CCDC188: variants seen among roughly 807,000 people sequenced by gnomAD.
CCDC188 encodes coiled-coil domain containing 188, also known as coiled-coil domain-containing protein 188.
Under a neutral mutation model 50.7 loss-of-function variants are expected in CCDC188, and 37 were observed. The observed-to-expected ratio is 0.73, with a 90% CI of 0.56 to 0.96. CCDC188 has a LOEUF of 0.96. CCDC188 is among the 40% of genes least tolerant of loss of function. CCDC188 has a pLI of 0.00. For synonymous variants in CCDC188, 208 were observed against 228.0 expected (o/e 0.91, Z 0.79); for missense variants, 453 against 512.9 (o/e 0.88, Z 1.13).
In CCDC188 at chr22:20,150,004, A is replaced by G; in HGVS notation, c.683T>C (p.Leu228Pro). 6.5e-7 allele frequency: 1 copy of G among 1,548,334 alleles called. No individual in the cohort carries two copies. Among genetic ancestry groups the G allele is most frequent in the Non-Finnish European group, 8.7e-7 (1 of 1,146,728 alleles). Residue 228 changes from leucine (L) to proline (P), a missense_variant, in exon 3 of 9, where the codon CTG (leucine) becomes CCG (proline). Transcript: ENST00000439765. ...PLGNRAPLQL[L>P]RRELCQGQEA... ...TTGCCCCTGGCACAGCTCCCGCCGC[A>G]GCAGCTGCAGAGGTGCCCTGTTCCC...
chr22:20,150,693 C>T lies in CCDC188; in HGVS notation c.294G>A (p.Glu98=). ...GGGGCCAGCCCCACCCAAGCCCTGC[C>T]TCCAGGTCTCCTTGTCTCGGCCCCT... ...DTEGPRQGDL[E]AGLGWGWPLH... The change falls in exon 1 of 9, where the codon GAG becomes GAA. Residue 98 remains glutamate, a synonymous_variant. Coordinates refer to ENST00000439765, the MANE Select transcript of CCDC188 (RefSeq NM_001365892.2). The T allele has an allele frequency of 6.5e-7, 1 of 1,550,064 alleles. No individual in the cohort carries two copies. The highest frequency in any genetic ancestry group is 8.7e-7 in the Non-Finnish European group (1 of 1,146,722).
At position 20,148,889 on chromosome 22, in the gene CCDC188, C is replaced by G. The variant is rs796864833; in HGVS notation, c.1008G>C (p.Leu336=). 14 of 1,514,676 alleles carry G rather than the reference C, an allele frequency of 9.2e-6. No homozygotes were observed. The African/African-American group carries it at 1.8e-4, about 20-fold the overall frequency. 93.8% of individuals were successfully genotyped at this position (1,514,676 alleles called of 1,614,324 possible). A position where few individuals can be genotyped will look rare whatever the true frequency, so the allele number is the denominator to read the frequency against. The part of the protein sequence containing the change: ...GRPKLGSSKG[L]AGQLWLLTLR... ...CAGTCACCTACCAGAGCTGGCCTGC[C>G]AGGCCCTTGGAGCTTCCCAGCTTTG... The change falls in exon 8 of 9, where the codon CTG becomes CTC. Residue 336 remains leucine, a synonymous_variant. Coordinates refer to ENST00000439765, the MANE Select transcript of CCDC188 (RefSeq NM_001365892.2).
rs2148019606 is a variant in CCDC188 at position 20,150,681 on chromosome 22, C to T, written c.306G>A (p.Gly102=). Residue 102 remains glycine (G), a synonymous_variant, in exon 1 of 9, where the codon GGG becomes GGA. Transcript: ENST00000439765. ...PRQGDLEAGL[G]WGWPLHPGSN... is the part of the protein sequence containing the mutation. Reference sequence around the variant, plus strand: ...ACCCTGGGTGCAGGGGCCAGCCCCACCCAAGCCCTGCCTCCAGGTCTCCTT... The same window carrying T: ...ACCCTGGGTGCAGGGGCCAGCCCCATCCAAGCCCTGCCTCCAGGTCTCCTT... 6.5e-7 allele frequency: 1 copy of T among 1,549,708 alleles called. No individual in the cohort carries two copies. The highest frequency in any genetic ancestry group is 8.7e-7 in the Non-Finnish European group (1 of 1,146,512).
rs2050596676 is a variant in CCDC188, at chr22:20,150,036, C to T, written c.651G>A (p.Gln217=). The stretch of plus-strand genomic sequence containing the variant: ...GCAGAGGTGCCCTGTTCCCCAAGGG[C>T]TGCGTGCCAGCCGGGTCGGGGGGCT... ...LAWPPDPAGT[Q]PLGNRAPLQL... The change falls in exon 3 of 9, where the codon CAG becomes CAA. Residue 217 remains glutamine (Q), a synonymous_variant. Transcript: ENST00000439765. 6.5e-7 allele frequency: 1 copy of T among 1,548,100 alleles called. No individual in the cohort carries two copies. Among genetic ancestry groups the T allele is most frequent in the Non-Finnish European group, 8.7e-7 (1 of 1,146,470 alleles).
chr22:20,149,863 C>T (rs2050591305), intron 3 of CCDC188, 83 bp from the exon 4 acceptor site: 6 of 1,485,044 alleles, frequency 4.0e-6, no homozygotes, highest in East Asian at 5.0e-5. Context: ...GCCTACTGCA[C>T]GAAGACCTCC....
chr22:20,150,339 G>GTGGGGC (rs1204045649), intron 1 of CCDC188, 89 bp from the exon 2 acceptor site: 23,915 of 967,882 alleles, frequency 0.025, 741 homozygotes, highest in South Asian at 0.056. Flanking sequence ...CAGGTGGTGG[G>GTGGGGC]TGGGGCTGGG....
intron 7 of CCDC188, 30 bp from the exon 8 acceptor site, chr22:20,148,954 C>T (rs776848856): frequency 5.5e-6 from 8 of 1,463,686 alleles, no homozygotes; most frequent in Non-Finnish European, 5.4e-6. Context: ...TCAGAGCCCA[C>T]CCCGAGTGTC....
chr22:20,149,010 C>T (rs1262017022), intron 7 of CCDC188, 86 bp from the exon 8 acceptor site: 35 of 1,383,986 alleles, frequency 2.5e-5, no homozygotes, highest in Non-Finnish European at 3.4e-5. Context: ...CCTCCTCAGA[C>T]AGGGCTCCCC....
At chr22:20,149,119 T>G in intron 7 of CCDC188, 68 bp downstream of exon 7, 3 of 1,349,282 alleles carry the variant, frequency 2.2e-6, no homozygotes, top group Non-Finnish European at 3.0e-6. Context: ...CATTTCTCCC[T>G]CTCGCCCAAG....
Position 20,150,970 on chromosome 22 carries a change from G to A in CCDC188, c.17C>T (p.Thr6Ile). MEGLKTLGPCGHPHPQ... is the reference protein window; with the variant it reads MEGLKILGPCGHPHPQ... ...GTGGGGGTGGCCGCAGGGGCCCAGG[G>A]TTTTCAGCCCCTCCATCCCTCCCTG... The change falls in exon 1 of 9, where the codon ACC becomes ATC. Residue 6 changes from threonine (T) to isoleucine (I), a missense_variant. Transcript: ENST00000439765. The A allele has an allele frequency of 9.9e-6, 14 of 1,407,500 alleles. No homozygotes were observed. The highest frequency in any genetic ancestry group is 1.3e-5 in the Non-Finnish European group (14 of 1,074,924). 87.2% of individuals were successfully genotyped at this position (1,407,500 alleles called of 1,614,324 possible).
chr22:20,149,426 CT>C lies in CCDC188; in HGVS notation c.899del (p.Gln300ArgfsTer44), dbSNP rs1568999720. ...CCCCGTGTTACCTGAGAATCTCCAG[CT>C]GGATGTCCTCCATCTGGTCCAGCAC... Reference protein sequence around the residue: ...RGVLDQMEDIQLEILRERAQC... With the variant: ...RGVLDQMEDIXLEILRERAQC... On this transcript the variant is annotated frameshift_variant, in exon 6 of 9. Transcript: ENST00000439765. LOFTEE classifies it high-confidence loss of function. 9.0e-6 allele frequency: 14 copies of C among 1,550,302 alleles called. No homozygotes were observed. Among genetic ancestry groups the C allele is most frequent in the Middle Eastern group, 1.7e-4 (1 of 5,992 alleles).
At position 20,149,969 on chromosome 22, in the gene CCDC188, C is replaced by G; in HGVS notation, c.718G>C (p.Val240Leu). Residue 240 changes from valine to leucine, a missense_variant, in exon 3 of 9, where the codon GTG becomes CTG. Transcript: ENST00000439765. ...CCCAGGCCCACCTGGGACTGTTGCA[C>G]GAAAGCCTCTTGCCCCTGGCACAGC... ...RELCQGQEAF[V>L]QQSQNELQQI... The G allele has an allele frequency of 1.3e-6, 2 of 1,547,398 alleles. No homozygotes were observed. The highest frequency in any genetic ancestry group is 1.7e-6 in the Non-Finnish European group (2 of 1,146,110).
chr22:20,149,542 G>A lies in CCDC188; in HGVS notation c.849+39C>T, dbSNP rs114838999. On this transcript the variant is annotated intron_variant, in intron 5 of 8. Transcript: ENST00000439765. ...CGCCCTCCGTGGCCTCTCGCCCGCC[G>A]GGCCCCGTCCTTCTGGGTGCTGCCC... is the stretch of plus-strand genomic sequence containing the variant. The A allele has an allele frequency of 6.7e-5, 104 of 1,550,046 alleles. 2 individuals carry two copies. The South Asian group carries it at 7.7e-4, about 12-fold the overall frequency.
chr22:20,148,804 C>A lies in CCDC188; in HGVS notation c.1023-4G>T. 6.9e-7 allele frequency: 1 copy of A among 1,457,034 alleles called. No individual in the cohort carries two copies. Among genetic ancestry groups the A allele is most frequent in the South Asian group, 1.4e-5 (1 of 71,490 alleles). The allele number at this position is 1,457,034 out of a possible 1,614,324, so 90.3% of individuals were successfully genotyped here. On this transcript the variant is annotated splice_region_variant and splice_polypyrimidine_tract_variant and intron_variant, in intron 8 of 8. Transcript: ENST00000439765. ...CAGCAGCCTCAGGGTCAGCAGCCTGCGGGCGGCGGTGGTCAGGGGCAGGGG... is the reference window on the plus strand; with the variant it reads ...CAGCAGCCTCAGGGTCAGCAGCCTGAGGGCGGCGGTGGTCAGGGGCAGGGG...
Position 20,149,991 on chromosome 22 carries a change from C to T in CCDC188, c.696G>A (p.Leu232=). The T allele has an allele frequency of 6.5e-7, 1 of 1,548,208 alleles. No homozygotes were observed. The highest frequency in any genetic ancestry group is 1.4e-5 in the African/African-American group (1 of 73,112). ...RAPLQLLRRE[L]CQGQEAFVQQ... is the part of the protein sequence containing the mutation. ...GCACGAAAGCCTCTTGCCCCTGGCA[C>T]AGCTCCCGCCGCAGCAGCTGCAGAG... The change falls in exon 3 of 9, where the codon CTG becomes CTA. Residue 232 remains leucine, a synonymous_variant. Transcript: ENST00000439765.
chr22:20,150,101 G>A, intron 2 of CCDC188, 42 bp from the exon 3 acceptor site: 1 of 1,540,608 alleles, frequency 6.5e-7, no homozygotes, highest in South Asian at 1.2e-5. Flanking sequence ...CTGCGGGCTA[G>A]AGGGGCGTTG....
chr22:20,150,216 C>T lies in CCDC188; in HGVS notation c.554G>A (p.Gly185Glu), dbSNP rs1216239542. 4 of 1,548,632 alleles carry T rather than the reference C, an allele frequency of 2.6e-6. No individual in the cohort carries two copies. In the Admixed American group the frequency reaches 5.9e-5, roughly 23 times the overall value. The change falls in exon 2 of 9, where the codon GGG (glycine) becomes GAG (glutamate). Residue 185 changes from glycine (G) to glutamate (E), a missense_variant. Gly to Glu is a moderately conservative substitution (Grantham distance 98). Transcript: ENST00000439765. Reference sequence around the variant, plus strand: ...CTGCTGCCCCGGCCCCAGGAGGGCCCCCAGCTGCTCCCGAAGTTCCTGATT... The same window carrying T: ...CTGCTGCCCCGGCCCCAGGAGGGCCTCCAGCTGCTCCCGAAGTTCCTGATT... ...RQNQELREQLGALLGPGQQFL... is the reference protein window; with the variant it reads ...RQNQELREQLEALLGPGQQFL...
Sources: gnomAD v4.1 joint callset for allele counts on GRCh38, gnomAD v4.1.1 for gene constraint, MANE v1.5 for transcripts, NCBI Gene and HGNC (gene_info 2026-07-23, HGNC 2026-07-21) for gene names.